ASAP1: variants seen among roughly 807,000 people sequenced by gnomAD.
The protein encoded by ASAP1 is arf-GAP with SH3 domain, ANK repeat and PH domain-containing protein 1.
Under a neutral mutation model 145.2 loss-of-function variants are expected in ASAP1, and 43 were observed. The ratio of observed to expected loss-of-function variants is 0.30; its 90% CI spans 0.23 to 0.38. The LOEUF (loss-of-function observed/expected upper bound fraction) is 0.38. Among genes scored for constraint, ASAP1 ranks in the 10% least tolerant of loss-of-function variants. The pLI, the probability that ASAP1 is intolerant of heterozygous loss-of-function variation, is 1.00. For missense variants in ASAP1, 1,018 were observed against 1,355.3 expected (o/e 0.75, Z 3.91); for synonymous variants, 546 against 515.5 (o/e 1.06, Z -0.80).
intron 1 of ASAP1, among the ~76,000 whole-genome samples, chr8:130,403,014 T>G (rs1376901979): frequency 2.0e-5 from 3 of 152,076 alleles, no homozygotes; most frequent in African/African-American, 7.2e-5. Flanking sequence ...CCAGCCAGTC[T>G]AATCACATTA....
chr8:130,306,857 G>A (rs1823025725), intron 3 of ASAP1, among the ~76,000 whole-genome samples: 1 of 152,110 alleles, frequency 6.6e-6, no homozygotes, highest in Non-Finnish European at 1.5e-5. Context: ...AAAAATTTAA[G>A]TATTTCAGGC....
rs544565814 is a variant in ASAP1 at position 130,116,582 on chromosome 8, T to C, written c.2064+96A>G. 7 of 1,103,424 alleles carry C rather than the reference T, an allele frequency of 6.3e-6. No homozygotes were observed. In the Admixed American group the frequency reaches 6.5e-5, roughly 10 times the overall value. 68.4% of individuals were successfully genotyped at this position (1,103,424 alleles called of 1,614,324 possible). Reference sequence around the variant, plus strand: ...TTCTTTAGCAAGTGTTAAAAAAAAATGAATCTGCATTTTTAATATTCAATT... The same window carrying C: ...TTCTTTAGCAAGTGTTAAAAAAAAACGAATCTGCATTTTTAATATTCAATT... On this transcript the variant is annotated intron_variant, in intron 22 of 29. Coordinates refer to ENST00000518721, the MANE Select transcript of ASAP1 (RefSeq NM_018482.4).
At chr8:130,061,383 A>T (rs1040390116) in intron 27 of ASAP1, among the ~76,000 whole-genome samples, 1 of 152,232 alleles carries the variant, frequency 6.6e-6, no homozygotes, top group Admixed American at 6.5e-5. Flanking sequence ...CCTAACACCT[A>T]AATGTAGCCA....
At chr8:130,077,722 C>A (rs1490490433) in intron 26 of ASAP1, among the ~76,000 whole-genome samples, 1 of 151,984 alleles carries the variant, frequency 6.6e-6, no homozygotes, top group Admixed American at 6.6e-5. Context: ...AAAAAGTAGT[C>A]AAAGAGAGAA....
intron 13 of ASAP1, among the ~76,000 whole-genome samples, chr8:130,151,900 A>G (rs1028318313): frequency 6.6e-6 from 1 of 152,246 alleles, no homozygotes; most frequent in Admixed American, 6.5e-5. Flanking sequence ...TTCTGTGAGT[A>G]ACTAGCCAAG....
At chr8:130,370,233 C>T (rs1827150311) in intron 2 of ASAP1, among the ~76,000 whole-genome samples, 1 of 152,224 alleles carries the variant, frequency 6.6e-6, no homozygotes, top group East Asian at 1.9e-4. Context: ...ACCCAGGAGG[C>T]GGAGGTTGCA....
intron 3 of ASAP1, among the ~76,000 whole-genome samples, chr8:130,274,555 C>T (rs540143253): frequency 6.6e-6 from 1 of 152,212 alleles, no homozygotes; most frequent in Non-Finnish European, 1.5e-5. Context: ...CCCCGCCACA[C>T]AATATCAACT....
intron 3 of ASAP1, among the ~76,000 whole-genome samples, chr8:130,283,222 G>A (rs1821357119): frequency 6.6e-6 from 1 of 152,150 alleles, no homozygotes; most frequent in Non-Finnish European, 1.5e-5. Flanking sequence ...AGAGAGCATG[G>A]CATCTGGACT....
chr8:130,390,452 C>T (rs962905767), intron 2 of ASAP1, among the ~76,000 whole-genome samples: 7 of 152,106 alleles, frequency 4.6e-5, no homozygotes, highest in South Asian at 2.1e-4. Context: ...CAAGATTTCC[C>T]GGAATCTTCA....
chr8:130,082,068 G>A (rs967966329), intron 25 of ASAP1, among the ~76,000 whole-genome samples: 17 of 152,146 alleles, frequency 1.1e-4, no homozygotes, highest in African/African-American at 4.1e-4. Context: ...CCACACTCTA[G>A]CACCTATCAC....
chr8:130,139,493 A>G (rs2097604360), intron 13 of ASAP1, among the ~76,000 whole-genome samples: 1 of 152,224 alleles, frequency 6.6e-6, no homozygotes, highest in Non-Finnish European at 1.5e-5. Context: ...TGGGAGGCTG[A>G]GGCAGGCGGA....
chr8:130,207,186 C>CTATA (rs1350840296), intron 5 of ASAP1, among the ~76,000 whole-genome samples: 1 of 151,962 alleles, frequency 6.6e-6, no homozygotes, highest in African/African-American at 2.4e-5. Flanking sequence ...GGAATGGAAT[C>CTATA]TATAAAGGCA....
chr8:130,314,561 T>C (rs935801715), intron 3 of ASAP1, among the ~76,000 whole-genome samples: 1 of 152,220 alleles, frequency 6.6e-6, no homozygotes, highest in Non-Finnish European at 1.5e-5. Context: ...ACAGAGTTAA[T>C]ACCCACACTA....
intron 3 of ASAP1, among the ~76,000 whole-genome samples, chr8:130,351,640 C>CGA (rs149136304): frequency 6.6e-6 from 1 of 151,564 alleles, no homozygotes; most frequent in Non-Finnish European, 1.5e-5. Context: ...AAAGCAGGGG[C>CGA]GAGAGAGAGA....
intron 2 of ASAP1, among the ~76,000 whole-genome samples, chr8:130,397,030 C>T (rs1039430212): frequency 8.5e-5 from 13 of 152,138 alleles, no homozygotes; most frequent in African/African-American, 2.9e-4. Context: ...ATAAAGGAAA[C>T]GGGTCTTGTT....
intron 1 of ASAP1, 62 bp downstream of exon 1, chr8:130,443,398 C>A (rs892328923): frequency 6.6e-6 from 1 of 151,250 alleles, no homozygotes; most frequent in African/African-American, 2.4e-5. Flanking sequence ...GCAGGGGGCG[C>A]CCGCGACTGT....
chr8:130,355,071 G>A (rs1280913692), intron 3 of ASAP1, among the ~76,000 whole-genome samples: 5 of 152,074 alleles, frequency 3.3e-5, no homozygotes, highest in African/African-American at 7.2e-5. Flanking sequence ...TAGAGATGGG[G>A]TTTCCCTATC....
chr8:130,360,388 T>C (rs1320693528), intron 2 of ASAP1, among the ~76,000 whole-genome samples: 10 of 152,174 alleles, frequency 6.6e-5, no homozygotes, highest in Admixed American at 2.0e-4. Context: ...CTGGCTGTTA[T>C]GTTGAGTTCA....
chr8:130,194,583 C>A (rs1815355435), intron 5 of ASAP1, among the ~76,000 whole-genome samples: 1 of 152,166 alleles, frequency 6.6e-6, no homozygotes, highest in South Asian at 2.1e-4. Flanking sequence ...GCACCAGAGG[C>A]TGGTTTTGTG....
Sources: gnomAD v4.1 joint callset for allele counts (sites outside exome capture counted in the v4.1 genomes callset) on GRCh38, gnomAD v4.1.1 for gene constraint, MANE v1.5 for transcripts, NCBI Gene and HGNC (gene_info 2026-07-23, HGNC 2026-07-21) for gene names.